The following FANCD2 variants were observed in gnomAD, a reference collection of about 807,000 sequenced individuals.
FANCD2 encodes Fanconi anemia group D2 protein.
FANCD2 carries 131 observed loss-of-function variants against 192.3 expected under a neutral mutation model. That is an observed-to-expected ratio of 0.68 (90% CI 0.59 to 0.79). The LOEUF is 0.79. Among genes scored for constraint, FANCD2 ranks in the 30% least tolerant of loss-of-function variants. The pLI, the probability that FANCD2 is intolerant of heterozygous loss-of-function variation, is 0.00. For synonymous variants in FANCD2, 524 were observed against 612.5 expected, an observed-to-expected ratio of 0.86 and a Z score of 2.13; for missense variants, 1,508 against 1,701.6, an observed-to-expected ratio of 0.89 and a Z score of 2.00.
intron 14 of FANCD2, among the ~76,000 whole-genome samples, chr3:10,045,111 A>T (rs2086966725): frequency 9.9e-6 from 1 of 101,470 alleles, no homozygotes; most frequent in Non-Finnish European, 1.9e-5. Flanking sequence ...TCCTGGAAGC[A>T]TAGACTCAGG....
Position 10,088,821 on chromosome 3 carries a change from A to G in FANCD2, c.3561-7A>G. 6.2e-7 allele frequency: 1 copy of G among 1,613,954 alleles called. No homozygotes were observed. Among genetic ancestry groups the G allele is most frequent in the Non-Finnish European group, 8.5e-7 (1 of 1,179,872 alleles). On this transcript the variant is annotated splice_polypyrimidine_tract_variant and splice_region_variant and intron_variant, in intron 35 of 43. Coordinates refer to ENST00000675286, the MANE Select transcript of FANCD2 (RefSeq NM_001018115.3). ...TTAGTGGGTCAAATATTTGACTCTC[A>G]ATGCAGTATCTACCTGGAGCACACA...
chr3:10,032,737 A>G, intron 2 of FANCD2, 95 bp from the exon 3 acceptor site: 1 of 1,043,790 alleles, frequency 9.6e-7, no homozygotes, highest in Non-Finnish European at 1.5e-6. Flanking sequence ...TTTTAAGGAC[A>G]CATCAGTTTT....
intron 15 of FANCD2, among the ~76,000 whole-genome samples, chr3:10,046,940 G>T (rs1174502849): frequency 6.6e-6 from 1 of 152,290 alleles, no homozygotes; most frequent in Non-Finnish European, 1.5e-5. Flanking sequence ...AACCTTGAGG[G>T]GAATAGGACC....
intron 19 of FANCD2, among the ~76,000 whole-genome samples, chr3:10,061,011 C>G (rs2087551323): frequency 6.6e-6 from 1 of 152,094 alleles, no homozygotes; most frequent in East Asian, 1.9e-4. Context: ...ATGGTGGGAG[C>G]AAAGAAAGCA....
chr3:10,036,230 A>G, intron 6 of FANCD2, 57 bp from the exon 7 acceptor site: 1 of 1,429,060 alleles, frequency 7.0e-7, no homozygotes, highest in Admixed American at 1.7e-5. Context: ...CTGGGATTAT[A>G]CATTTCTATT....
chr3:10,039,076 C>G (rs1192586174), intron 7 of FANCD2, among the ~76,000 whole-genome samples: 2 of 152,172 alleles, frequency 1.3e-5, no homozygotes, highest in Non-Finnish European at 2.9e-5. Flanking sequence ...TTTAGCATGT[C>G]TTCTAGACAT....
In FANCD2 at chr3:10,063,859, A is replaced by G. The variant is rs770231582; in HGVS notation, c.1895A>G (p.Tyr632Cys). ...EQSPQASALY[Y>C]DEFANLIQHE... ...TCTCCTCAGGCCTCTGCACTTTACT[A>G]TGATGAATTTGCCAACCTGATCCAA... The change falls in exon 21 of 44, where the codon TAT becomes TGT. Residue 632 changes from tyrosine to cysteine, a missense_variant. This residue lies in a region of FANCD2 where 59 missense variants were observed against 111.9 expected (regional missense o/e 0.53). Transcript: ENST00000675286. The G allele has an allele frequency of 5.0e-6, 8 of 1,614,116 alleles. No individual in the cohort carries two copies. The highest frequency in any genetic ancestry group is 2.2e-5 in the East Asian group (1 of 44,900).
chr3:10,065,950 A>G lies in FANCD2; in HGVS notation c.2356A>G (p.Ile786Val), dbSNP rs370202671. The change falls in exon 25 of 44, where the codon ATA becomes GTA. Residue 786 changes from isoleucine (I) to valine (V), a missense_variant. Physicochemically the swap from Ile to Val is conservative, Grantham distance 29 (BLOSUM62 3). Around this residue, in one of 5 missense-constraint regions of FANCD2, gnomAD observed 796 missense variants for 879.4 expected, o/e 0.91. Coordinates refer to ENST00000675286, the MANE Select transcript of FANCD2 (RefSeq NM_001018115.3). ...AGAGCGTTCATTCATGTGTTCTCTC[A>G]TATTTCTTACTCTCAACTGGTTCCG... ...AKERSFMCSL[I>V]FLTLNWFREI... 6.2e-7 allele frequency: 1 copy of G among 1,611,816 alleles called. No individual in the cohort carries two copies. The highest frequency in any genetic ancestry group is 8.5e-7 in the Non-Finnish European group (1 of 1,177,920).
At position 10,081,498 on chromosome 3, in the gene FANCD2, A is replaced by AT. The variant is rs1287946906; in HGVS notation, c.3224+35dup. On this transcript the variant is annotated intron_variant, in intron 32 of 43. Coordinates refer to ENST00000675286, the MANE Select transcript of FANCD2 (RefSeq NM_001018115.3). ...GTGGGAAGTGTGGAGAGAACTGAGTATATACTTGCTTTTATTTGACAGTCA... is the reference window on the plus strand; with the variant it reads ...GTGGGAAGTGTGGAGAGAACTGAGTATTATACTTGCTTTTATTTGACAGTCA... The AT allele has an allele frequency of 2.1e-6, 3 of 1,401,232 alleles. No individual in the cohort carries two copies. The African/African-American group carries it at 4.2e-5, about 20-fold the overall frequency. The allele number at this position is 1,401,232 out of a possible 1,614,324, so 86.8% of individuals were successfully genotyped here. A position where few individuals can be genotyped will look rare whatever the true frequency, so the allele number is the denominator to read the frequency against.
At chr3:10,050,351 G>A (rs544563396) in intron 17 of FANCD2, among the ~76,000 whole-genome samples, 137 of 152,218 alleles carry the variant, frequency 9.0e-4, no homozygotes, top group African/African-American at 3.0e-3. Context: ...CGGTCCGGGT[G>A]CGGTGGCTCA....
chr3:10,101,377 CTT>C lies in FANCD2; in HGVS notation c.*139_*140del, dbSNP rs950337384. On this transcript the variant is annotated 3_prime_UTR_variant, in exon 44 of 44. Transcript: ENST00000675286. Reference sequence around the variant, plus strand: ...ACTGGTAGGATCCTTTTTTGTTCCTCTTTTTTTTTTTTTTTTTTTTTTTTTAA... The same window carrying C: ...ACTGGTAGGATCCTTTTTTGTTCCTCTTTTTTTTTTTTTTTTTTTTTTTAA... 0.1 allele frequency: 36,146 copies of C among 353,594 alleles called. No individual in the cohort carries two copies. Among genetic ancestry groups the C allele is most frequent in the South Asian group, 0.12 (4,442 of 37,230 alleles). The allele number at this position is 353,594 out of a possible 1,614,324, so 21.9% of individuals were successfully genotyped here.
chr3:10,031,365 T>C (rs575102971), intron 2 of FANCD2, among the ~76,000 whole-genome samples: 42 of 151,982 alleles, frequency 2.8e-4, no homozygotes, highest in Admixed American at 2.1e-3. Context: ...TAGCCGGGCG[T>C]GGTGGTGTGC....
intron 26 of FANCD2, among the ~76,000 whole-genome samples, chr3:10,072,596 A>G (rs1693315643): frequency 6.6e-6 from 1 of 152,116 alleles, no homozygotes; most frequent in African/African-American, 2.4e-5. Context: ...TAGATTTTAA[A>G]TGTTTGTTTT....
chr3:10,073,007 T>C, intron 27 of FANCD2, 26 bp downstream of exon 27: 1 of 1,325,806 alleles, frequency 7.5e-7, no homozygotes, highest in Non-Finnish European at 1.1e-6. Context: ...TCCTCTTGTC[T>C]TGTGTCTCTA....
At chr3:10,028,784 T>C (rs2124961342) in intron 2 of FANCD2, 63 bp downstream of exon 2, 7 of 1,368,374 alleles carry the variant, frequency 5.1e-6, no homozygotes, top group East Asian at 4.6e-5. Flanking sequence ...GTGAGAGATA[T>C]AAAGTTCCTG....
rs2087692676 is a variant in FANCD2 at position 10,065,459 on chromosome 3, A to C, written c.2234A>C (p.His745Pro). The C allele has an allele frequency of 6.2e-7, 1 of 1,613,886 alleles. No individual in the cohort carries two copies. Among genetic ancestry groups the C allele is most frequent in the Admixed American group, 1.7e-5 (1 of 60,008 alleles). ...RLLRLCVERQHNGNLEEIDGL... is the reference protein window; with the variant it reads ...RLLRLCVERQPNGNLEEIDGL... ...CTGAGACTTTGTGTGGAGAGACAGC[A>C]TAACGGAAACTTGGAGGAGATTGAT... Residue 745 changes from histidine to proline, a missense_variant, in exon 24 of 44, where the codon CAT (histidine) becomes CCT (proline). This residue lies in a region of FANCD2 where 796 missense variants were observed against 879.4 expected (regional missense o/e 0.91). Transcript: ENST00000675286.
Position 10,101,311 on chromosome 3 carries a change from C to T in FANCD2, c.*49C>T. On this transcript the variant is annotated 3_prime_UTR_variant, in exon 44 of 44. Transcript: ENST00000675286. ...TTCTGTGTCTCTGCCAGCCTGTGATCATTTTGTGTTAGAGTTTGAAATCCG... is the reference window on the plus strand; with the variant it reads ...TTCTGTGTCTCTGCCAGCCTGTGATTATTTTGTGTTAGAGTTTGAAATCCG... The T allele has an allele frequency of 7.5e-7, 1 of 1,331,492 alleles. No individual in the cohort carries two copies. The highest frequency in any genetic ancestry group is 1.2e-5 in the South Asian group (1 of 85,832). 82.5% of individuals were successfully genotyped at this position (1,331,492 alleles called of 1,614,324 possible).
In FANCD2 at chr3:10,065,939, T is replaced by C. The variant is rs760428640; in HGVS notation, c.2345T>C (p.Met782Thr). The change falls in exon 25 of 44, where the codon ATG (methionine) becomes ACG (threonine). Residue 782 changes from methionine to threonine, a missense_variant. By Grantham distance (81) the Met-to-Thr change is moderately conservative (BLOSUM62 -1). Transcript: ENST00000675286. ...ESMSAKERSF[M>T]CSLIFLTLNW... ...ATGTCTGCTAAAGAGCGTTCATTCATGTGTTCTCTCATATTTCTTACTCTC... is the reference window on the plus strand; with the variant it reads ...ATGTCTGCTAAAGAGCGTTCATTCACGTGTTCTCTCATATTTCTTACTCTC... The C allele has an allele frequency of 1.4e-5, 23 of 1,613,354 alleles. No individual in the cohort carries two copies. The highest frequency in any genetic ancestry group is 3.3e-4 in the Middle Eastern group (2 of 6,074).
chr3:10,068,669 G>T (rs761008297), intron 26 of FANCD2, among the ~76,000 whole-genome samples: 1 of 149,602 alleles, frequency 6.7e-6, no homozygotes, highest in Admixed American at 6.7e-5. Context: ...TAGAACCACC[G>T]AAGACCCAGA....
Sources: gnomAD v4.1 joint callset for allele counts (sites outside exome capture counted in the v4.1 genomes callset) on GRCh38, gnomAD v4.1.1 for gene constraint, gnomAD v4.1.1 regional missense constraint, MANE v1.5 for transcripts, NCBI Gene and HGNC (gene_info 2026-07-23, HGNC 2026-07-21) for gene names.